Variants in PPP1R16B observed in about 807,000 individuals in gnomAD.
The protein encoded by PPP1R16B is protein phosphatase 1 regulatory inhibitor subunit 16B.
PPP1R16B carries 14 observed loss-of-function variants against 61.7 expected under a neutral mutation model. That is an observed-to-expected ratio of 0.23 (90% CI 0.15 to 0.35). The LOEUF (loss-of-function observed/expected upper bound fraction) is 0.35. Ranked by LOEUF, PPP1R16B falls within the 10% of genes least tolerant of loss-of-function variation. The pLI, the probability that PPP1R16B is intolerant of heterozygous loss-of-function variation, is 1.00. For missense variants in PPP1R16B, 547 were observed against 752.5 expected (o/e 0.73, Z 3.19); for synonymous variants, 266 against 305.3 (o/e 0.87, Z 1.34).
chr20:38,895,923 TCCC>T (rs1319467789), intron 4 of PPP1R16B, among the ~76,000 whole-genome samples: 6 of 82,330 alleles, frequency 7.3e-5, no homozygotes, highest in African/African-American at 2.8e-4. Flanking sequence ...CTTCCCTCCC[TCCC>T]TCCTTCCTTC....
At chr20:38,870,888 G>A (rs532745036) in intron 2 of PPP1R16B, among the ~76,000 whole-genome samples, 24 of 148,570 alleles carry the variant, frequency 1.6e-4, no homozygotes, top group Admixed American at 1.6e-3. Context: ...CAGCTGTGAC[G>A]GAGACTTATC....
intron 2 of PPP1R16B, among the ~76,000 whole-genome samples, chr20:38,877,961 T>G (rs1194009261): frequency 4.4e-5 from 6 of 136,974 alleles, no homozygotes; most frequent in East Asian, 2.0e-4. Flanking sequence ...TGTTTTTTTT[T>G]TTTTTTTTTT....
chr20:38,913,630 G>A (rs780051585), intron 10 of PPP1R16B, among the ~76,000 whole-genome samples: 4 of 152,110 alleles, frequency 2.6e-5, no homozygotes, highest in Non-Finnish European at 4.4e-5. Context: ...AGAATGCATC[G>A]ACCACAGAAT....
At chr20:38,881,471 G>A (rs2085202968) in intron 2 of PPP1R16B, among the ~76,000 whole-genome samples, 1 of 152,212 alleles carries the variant, frequency 6.6e-6, no homozygotes, top group South Asian at 2.1e-4. Context: ...GGGGAAATAA[G>A]TCAGTGCGGA....
intron 2 of PPP1R16B, chr20:38,838,446 A>G (rs2084886682): frequency 6.6e-6 from 1 of 152,294 alleles, no homozygotes; most frequent in South Asian, 2.1e-4. Context: ...ACAGGGCTCT[A>G]GGAAACGAGC....
chr20:38,887,006 C>A (rs112875776), intron 2 of PPP1R16B, among the ~76,000 whole-genome samples: 4,786 of 152,084 alleles, frequency 0.031, 108 homozygotes, highest in Middle Eastern at 0.075. Flanking sequence ...ATAACAGGAG[C>A]CTGGGGAGTT....
rs148682231 is a variant in PPP1R16B, at chr20:38,862,639, A to C, written c.250+26464A>C. The stretch of plus-strand genomic sequence containing the variant: ...ATGGATGGGCCTCATCATCCCGAGA[A>C]ACCCAGAGTCAGAGTCAGGAATAAG... On this transcript the variant is annotated intron_variant, in intron 2 of 10. Transcript: ENST00000299824. Among the ~76,000 whole-genome samples, 6 of 152,346 alleles carry C rather than the reference A, an allele frequency of 3.9e-5. No individual in the cohort carries two copies. The East Asian group carries it at 1.2e-3, about 29-fold the overall frequency.
intron 1 of PPP1R16B, among the ~76,000 whole-genome samples, chr20:38,818,076 A>G (rs761077957): frequency 3.9e-5 from 6 of 152,236 alleles, no homozygotes; most frequent in Non-Finnish European, 7.3e-5. Context: ...AGCGTGTGTG[A>G]AAGTGAGGAG....
chr20:38,913,879 A>G (rs1446923306), intron 10 of PPP1R16B, among the ~76,000 whole-genome samples: 4 of 152,188 alleles, frequency 2.6e-5, no homozygotes, highest in Non-Finnish European at 5.9e-5. Context: ...GGAGGGGAGC[A>G]GCTTAACTAA....
chr20:38,874,089 T>C (rs1180652103), intron 2 of PPP1R16B, among the ~76,000 whole-genome samples: 2 of 152,182 alleles, frequency 1.3e-5, no homozygotes, highest in African/African-American at 2.4e-5. Flanking sequence ...TGGTGACACA[T>C]TAGCCCTGTT....
chr20:38,846,143 T>A (rs995114401), intron 2 of PPP1R16B, among the ~76,000 whole-genome samples: 1 of 152,208 alleles, frequency 6.6e-6, no homozygotes, highest in Non-Finnish European at 1.5e-5. Context: ...TCTATAGGAC[T>A]GTCCAAGTTG....
chr20:38,818,195 C>T (rs1168388445), intron 1 of PPP1R16B, among the ~76,000 whole-genome samples: 1 of 152,244 alleles, frequency 6.6e-6, no homozygotes, highest in Non-Finnish European at 1.5e-5. Context: ...CAAGAGGAGC[C>T]TCCTTTTACT....
chr20:38,909,648 G>A (rs914486328), intron 10 of PPP1R16B, among the ~76,000 whole-genome samples: 10 of 152,326 alleles, frequency 6.6e-5, no homozygotes, highest in African/African-American at 2.2e-4. Flanking sequence ...TAGCCTTGGT[G>A]GGATGAAATT....
chr20:38,850,612 T>A (rs1239842164), intron 2 of PPP1R16B, among the ~76,000 whole-genome samples: 1 of 152,208 alleles, frequency 6.6e-6, no homozygotes, highest in Non-Finnish European at 1.5e-5. Context: ...CAACTGTGGC[T>A]AAGCTAGAGG....
chr20:38,833,026 G>T (rs1461581848), intron 1 of PPP1R16B, among the ~76,000 whole-genome samples: 1 of 152,074 alleles, frequency 6.6e-6, no homozygotes, highest in Non-Finnish European at 1.5e-5. Flanking sequence ...GTAGATGAAT[G>T]GAACAGCCTT....
At chr20:38,834,181 T>G (rs1012337892) in intron 1 of PPP1R16B, among the ~76,000 whole-genome samples, 1 of 152,220 alleles carries the variant, frequency 6.6e-6, no homozygotes, top group Non-Finnish European at 1.5e-5. Context: ...AAAAATTATT[T>G]TATTTTTTTG....
At chr20:38,834,201 G>C (rs1041960661) in intron 1 of PPP1R16B, among the ~76,000 whole-genome samples, 8 of 152,156 alleles carry the variant, frequency 5.3e-5, no homozygotes, top group Non-Finnish European at 1.2e-4. Context: ...GTAGAGATAA[G>C]GGTCTCGCTA....
At chr20:38,840,841 T>C (rs1459012222) in intron 2 of PPP1R16B, among the ~76,000 whole-genome samples, 1 of 152,192 alleles carries the variant, frequency 6.6e-6, no homozygotes, top group African/African-American at 2.4e-5. Context: ...TCGGTAAAAA[T>C]GAGGATGATG....
chr20:38,835,011 G>A (rs2084860424), intron 1 of PPP1R16B, among the ~76,000 whole-genome samples: 2 of 152,144 alleles, frequency 1.3e-5, no homozygotes, highest in South Asian at 4.1e-4. Flanking sequence ...GGGAACCACT[G>A]TATACTCATA....
Sources: gnomAD v4.1 joint callset for allele counts (sites outside exome capture counted in the v4.1 genomes callset) on GRCh38, gnomAD v4.1.1 for gene constraint, MANE v1.5 for transcripts, NCBI Gene and HGNC (gene_info 2026-07-23, HGNC 2026-07-21) for gene names.